The following CACNB4 variants were observed in gnomAD, a reference collection of about 807,000 sequenced individuals.
CACNB4 encodes calcium voltage-gated channel auxiliary subunit beta 4.
Under a neutral mutation model 71.2 loss-of-function variants are expected in CACNB4, and 32 were observed. The ratio of observed to expected loss-of-function variants is 0.45; its 90% CI spans 0.34 to 0.60. The LOEUF (loss-of-function observed/expected upper bound fraction) is 0.60, where lower values mean the gene tolerates loss of function less well. Among genes scored for constraint, CACNB4 ranks in the 20% least tolerant of loss-of-function variants. The probability of loss-of-function intolerance (pLI) is 0.01; values close to 1 mark genes in which losing one functional copy is unlikely to be tolerated. For missense variants in CACNB4, 464 were observed against 647.9 expected (o/e 0.72, Z 3.08); for synonymous variants, 231 against 236.9 (o/e 0.97, Z 0.23).
chr2:152,072,398 T>C (rs1386106069), intron 2 of CACNB4, among the ~76,000 whole-genome samples: 2 of 152,238 alleles, frequency 1.3e-5, no homozygotes, highest in Non-Finnish European at 2.9e-5. Flanking sequence ...TAAGGAAATG[T>C]GTGTATGAAA....
rs1052340433 is a variant in CACNB4 at position 151,984,721 on chromosome 2, G to A, written c.148-101351C>T. ...CAAATCATGAAGATCCAAAGGGTTA[G>A]GAAAGTTTCCTAACATCACACAACT... is the stretch of plus-strand genomic sequence containing the variant. On this transcript the variant is annotated intron_variant, in intron 2 of 13. Transcript: ENST00000539935. Among the ~76,000 whole-genome samples the A allele has an allele frequency of 3.3e-5, 5 of 152,186 alleles. No homozygotes were observed. In the South Asian group the frequency reaches 1.0e-3, roughly 32 times the overall value.
intron 5 of CACNB4, among the ~76,000 whole-genome samples, chr2:151,875,184 T>C (rs2099845655): frequency 6.8e-6 from 1 of 147,722 alleles, no homozygotes; most frequent in Non-Finnish European, 1.5e-5. Flanking sequence ...GATTAGGGAG[T>C]GGTGATGACT....
chr2:152,052,071 C>A (rs1041638228), intron 2 of CACNB4, among the ~76,000 whole-genome samples: 1 of 152,186 alleles, frequency 6.6e-6, no homozygotes, highest in African/African-American at 2.4e-5. Flanking sequence ...CCGCTTATGG[C>A]GGGGTTACAT....
Position 151,883,281 on chromosome 2 carries a change from C to T in CACNB4, c.237G>A (p.Gln79=), listed in dbSNP as rs2099848439. 2 of 1,613,946 alleles carry T rather than the reference C, an allele frequency of 1.2e-6. No homozygotes were observed. Among genetic ancestry groups the T allele is most frequent in the South Asian group, 1.1e-5 (1 of 91,084 alleles). Residue 79 remains glutamine (Q), a synonymous_variant, in exon 3 of 14, where the codon CAG becomes CAA. Coordinates refer to ENST00000539935, the MANE Select transcript of CACNB4 (RefSeq NM_000726.5). ...CTCTCTCAAGCTGGATAGCTGCTTG[C>T]TGTTCTCTCTCCTGTCGAATTGCTT... The part of the protein sequence containing the change: ...DREAIRQERE[Q]QAAIQLERAK...
rs756581636 is a variant in CACNB4, at chr2:151,883,356, G to A, written c.162C>T (p.Ser54=). The change falls in exon 3 of 14, where the codon TCC becomes TCT. Residue 54 remains serine (S), a synonymous_variant. Transcript: ENST00000539935. Reference sequence around the variant, plus strand: ...CGGAGTCAGACGGCCTGCTTGTGTAGGAATCCGCTGAACCCTGGCAAAGAA... The same window carrying A: ...CGGAGTCAGACGGCCTGCTTGTGTAAGAATCCGCTGAACCCTGGCAAAGAA... ...SFILRQGSAD[S]YTSRPSDSDV... 2 of 1,613,884 alleles carry A rather than the reference G, an allele frequency of 1.2e-6. No individual in the cohort carries two copies. The highest frequency in any genetic ancestry group is 1.7e-6 in the Non-Finnish European group (2 of 1,179,820).
chr2:152,092,480 T>A (rs982291566), intron 2 of CACNB4, among the ~76,000 whole-genome samples: 5 of 152,248 alleles, frequency 3.3e-5, no homozygotes, highest in African/African-American at 7.2e-5. Flanking sequence ...GTAACGATCA[T>A]CTGATTAGCA....
At chr2:152,054,280 G>T (rs1395499719) in intron 2 of CACNB4, among the ~76,000 whole-genome samples, 1 of 149,136 alleles carries the variant, frequency 6.7e-6, no homozygotes, top group East Asian at 2.0e-4. Context: ...GCAGGAGAAT[G>T]GCGTGAACCC....
In CACNB4 at chr2:151,951,689, T is replaced by C. The variant is rs967397588; in HGVS notation, c.148-68319A>G. 3.3e-5 allele frequency among the ~76,000 whole-genome samples: 5 copies of C among 152,210 alleles called. 1 individual carries two copies. Among genetic ancestry groups the C allele is most frequent in the African/African-American group, 1.2e-4 (5 of 41,448 alleles). ...CCCACAGGCTTCAAGGAAAGGCATCTTGAAAGATGCCTGCAGACTGCAGCA... is the reference window on the plus strand; with the variant it reads ...CCCACAGGCTTCAAGGAAAGGCATCCTGAAAGATGCCTGCAGACTGCAGCA... On this transcript the variant is annotated intron_variant, in intron 2 of 13. Coordinates refer to ENST00000539935, the MANE Select transcript of CACNB4 (RefSeq NM_000726.5).
rs924740795 is a variant in CACNB4, at chr2:151,838,226, G to C, written c.*893C>G. ...CAGATTCCTGGATGTATGTAGTTGT[G>C]CTCAGATTGATTAAAGGGAGAACAA... On this transcript the variant is annotated 3_prime_UTR_variant, in exon 14 of 14. Coordinates refer to ENST00000539935, the MANE Select transcript of CACNB4 (RefSeq NM_000726.5). 2 of 152,548 alleles carry C rather than the reference G, an allele frequency of 1.3e-5. No homozygotes were observed. The highest frequency in any genetic ancestry group is 2.9e-5 in the Non-Finnish European group (2 of 68,012). The allele number at this position is 152,548 out of a possible 1,614,324, so 9.4% of individuals were successfully genotyped here.
intron 2 of CACNB4, among the ~76,000 whole-genome samples, chr2:152,011,586 C>T (rs1038274713): frequency 1.3e-5 from 2 of 152,216 alleles, no homozygotes; most frequent in African/African-American, 4.8e-5. Context: ...CACAAAGATG[C>T]TAAAGCTCCC....
rs2099875129 is a variant in CACNB4 at position 151,983,706 on chromosome 2, C to CACACACAG, written c.148-100344_148-100337dup. ...ACACACACACACACACACACACACA[C>CACACACAG]ACACACAGGGCTTTGCAAGTTATTT... On this transcript the variant is annotated intron_variant, in intron 2 of 13. Transcript: ENST00000539935. Among the ~76,000 whole-genome samples the CACACACAG allele has an allele frequency of 2.0e-5, 3 of 149,970 alleles. No homozygotes were observed. The East Asian group carries it at 5.8e-4, about 29-fold the overall frequency.
At chr2:151,869,301 G>C in intron 8 of CACNB4, 66 bp from the exon 9 acceptor site, 1 of 924,024 alleles carries the variant, frequency 1.1e-6, no homozygotes, top group Non-Finnish European at 1.7e-6. Flanking sequence ...AAGTCAAAAG[G>C]GAGAGAGGAG....
At chr2:152,028,058 T>C (rs1220540423) in intron 2 of CACNB4, among the ~76,000 whole-genome samples, 3 of 152,042 alleles carry the variant, frequency 2.0e-5, no homozygotes, top group Non-Finnish European at 4.4e-5. Flanking sequence ...TGACACCTGC[T>C]CCCTTCTACA....
chr2:151,846,440 G>T (rs2099837592), intron 12 of CACNB4, among the ~76,000 whole-genome samples: 1 of 152,104 alleles, frequency 6.6e-6, no homozygotes, highest in Non-Finnish European at 1.5e-5. Flanking sequence ...AATGCATATT[G>T]TCTGTTTTTT....
chr2:151,903,267 A>G (rs2151511665), intron 2 of CACNB4, among the ~76,000 whole-genome samples: 1 of 152,236 alleles, frequency 6.6e-6, no homozygotes, highest in Admixed American at 6.5e-5. Flanking sequence ...TAATCCCAGC[A>G]CTTTGGGGGG....
At chr2:151,888,636 C>A (rs2099849971) in intron 2 of CACNB4, among the ~76,000 whole-genome samples, 1 of 152,136 alleles carries the variant, frequency 6.6e-6, no homozygotes, top group Non-Finnish European at 1.5e-5. Flanking sequence ...AAGTGCTGGG[C>A]TTCCTAGTCC....
chr2:151,928,749 AC>A (rs2099860891), intron 2 of CACNB4, among the ~76,000 whole-genome samples: 1 of 151,842 alleles, frequency 6.6e-6, no homozygotes, highest in Non-Finnish European at 1.5e-5. Context: ...ACATGGTGAA[AC>A]CCTGTCTCTA....
At chr2:151,991,523 C>T (rs775888951) in intron 2 of CACNB4, among the ~76,000 whole-genome samples, 9 of 152,068 alleles carry the variant, frequency 5.9e-5, no homozygotes, top group Non-Finnish European at 1.2e-4. Flanking sequence ...CTGGGAGTAG[C>T]CATTAGGTGA....
At chr2:151,987,801 G>C (rs1041314029) in intron 2 of CACNB4, among the ~76,000 whole-genome samples, 1 of 152,078 alleles carries the variant, frequency 6.6e-6, no homozygotes, top group African/African-American at 2.4e-5. Flanking sequence ...TCACAGTTTC[G>C]ATGCGACCCA....
Sources: allele counts gnomAD v4.1 joint callset (sites outside exome capture counted in the v4.1 genomes callset), GRCh38; gene constraint gnomAD v4.1.1; transcripts MANE v1.5; gene names NCBI Gene and HGNC (gene_info 2026-07-23, HGNC 2026-07-21).